The following SUMF1 variants were observed in gnomAD, a reference collection of about 807,000 sequenced individuals.
The protein encoded by SUMF1 is sulfatase modifying factor 1.
Under a neutral mutation model 47.6 loss-of-function variants are expected in SUMF1, and 48 were observed. That is an observed-to-expected ratio of 1.01 (90% CI 0.80 to 1.28). The LOEUF (loss-of-function observed/expected upper bound fraction) is 1.28. Among genes scored for constraint, SUMF1 ranks in the 50% most tolerant of loss-of-function variants. The pLI is 0.00. For synonymous variants in SUMF1, 230 were observed against 192.1 expected (o/e 1.20, Z -1.63); for missense variants, 571 against 485.4 (o/e 1.18, Z -1.66).
In SUMF1 at chr3:4,079,907, T is replaced by G. The variant is rs143398955; in HGVS notation, c.1015-11162A>C. 4.9e-3 allele frequency among the ~76,000 whole-genome samples: 736 copies of G among 151,732 alleles called. 7 individuals carry two copies. The highest frequency in any genetic ancestry group is 0.017 in the African/African-American group (699 of 41,312). On this transcript the variant is annotated intron_variant and NMD_transcript_variant, in intron 8 of 12. Transcript: ENST00000448413. Reference sequence around the variant, plus strand: ...TCACATATATTGTCTCCTTCAAAACTAAAGGCACTCAGGAAACATAATAAT... The same window carrying G: ...TCACATATATTGTCTCCTTCAAAACGAAAGGCACTCAGGAAACATAATAAT...
chr3:4,204,410 T>G (rs190614662), intron 8 of SUMF1, among the ~76,000 whole-genome samples: 11 of 152,162 alleles, frequency 7.2e-5, no homozygotes, highest in Non-Finnish European at 1.6e-4. Flanking sequence ...GGATCCATTC[T>G]TTATTCTTAA....
At chr3:4,435,944 C>A (rs905528746) in intron 3 of SUMF1, among the ~76,000 whole-genome samples, 5 of 152,124 alleles carry the variant, frequency 3.3e-5, no homozygotes, top group Admixed American at 6.5e-5. Context: ...GGAAGAGCAA[C>A]AGAAATGGTT....
chr3:4,211,418 G>A (rs964834715), intron 8 of SUMF1, among the ~76,000 whole-genome samples: 3 of 151,330 alleles, frequency 2.0e-5, no homozygotes, highest in African/African-American at 7.3e-5. Flanking sequence ...GTGAGAACAT[G>A]CAGTATTTTA....
At chr3:4,240,457 T>C (rs1696511402) in intron 8 of SUMF1, among the ~76,000 whole-genome samples, 2 of 152,110 alleles carry the variant, frequency 1.3e-5, no homozygotes, top group Non-Finnish European at 2.9e-5. Flanking sequence ...GAGCTTTTAA[T>C]TTTCATTTTG....
chr3:4,443,105 GTCTC>G (rs1308175393), intron 3 of SUMF1, among the ~76,000 whole-genome samples: 6 of 151,790 alleles, frequency 4.0e-5, no homozygotes, highest in Non-Finnish European at 8.8e-5. Flanking sequence ...ACAAAACCCT[GTCTC>G]TGTTAAAAAA....
At chr3:4,140,730 T>A (rs942722597) in intron 8 of SUMF1, among the ~76,000 whole-genome samples, 4 of 152,006 alleles carry the variant, frequency 2.6e-5, no homozygotes, top group Non-Finnish European at 5.9e-5. Context: ...TTTATTAATA[T>A]AATATTTAGT....
chr3:4,263,445 T>G (rs1306057201), intron 8 of SUMF1, among the ~76,000 whole-genome samples: 1 of 152,188 alleles, frequency 6.6e-6, no homozygotes, highest in East Asian at 1.9e-4. Context: ...TCTAGTACTA[T>G]AAAGATTCCT....
chr3:4,410,205 A>G (rs1301894918), intron 7 of SUMF1, among the ~76,000 whole-genome samples: 1 of 152,232 alleles, frequency 6.6e-6, no homozygotes, highest in East Asian at 1.9e-4. Flanking sequence ...TAGTGTCTCA[A>G]TTTGTATACA....
chr3:4,041,516 G>A (rs1202745957), intron 9 of SUMF1, among the ~76,000 whole-genome samples: 1 of 152,200 alleles, frequency 6.6e-6, no homozygotes, highest in Non-Finnish European at 1.5e-5. Flanking sequence ...TAGTGAGTAA[G>A]AAGGAAGTGC....
Position 4,352,726 on chromosome 3 carries a change from G to C in SUMF1, c.1014+23604C>G, listed in dbSNP as rs543887688. On this transcript the variant is annotated intron_variant and NMD_transcript_variant, in intron 8 of 12. Coordinates refer to the SUMF1 transcript ENST00000448413. ...CAAAGGATGTAGGTCCATTATTGCT[G>C]CGTGTAAAAAAAAAAAAAAAAAAAA... 1.9e-4 allele frequency among the ~76,000 whole-genome samples: 24 copies of C among 127,858 alleles called. No individual in the cohort carries two copies. In the East Asian group the frequency reaches 5.4e-3, roughly 29 times the overall value. The allele number at this position is 127,858 out of a possible 152,430, so 83.9% of individuals were successfully genotyped here. A position where few individuals can be genotyped will look rare whatever the true frequency, so the allele number is the denominator to read the frequency against.
At chr3:4,180,373 G>A (rs1230345449) in intron 8 of SUMF1, among the ~76,000 whole-genome samples, 1 of 152,104 alleles carries the variant, frequency 6.6e-6, no homozygotes, top group Middle Eastern at 3.2e-3. Context: ...CATAAAAAAG[G>A]ATGAGTTCAT....
chr3:4,151,554 TATACAC>T (rs1559514513), intron 8 of SUMF1, among the ~76,000 whole-genome samples: 2 of 98,256 alleles, frequency 2.0e-5, no homozygotes, highest in African/African-American at 8.7e-5. Flanking sequence ...TGTGTGTGTA[TATACAC>T]ACACACACAC....
chr3:4,449,465 A>T, intron 2 of SUMF1, 125 bp from the exon 3 acceptor site: 1 of 975,180 alleles, frequency 1.0e-6, no homozygotes, highest in Non-Finnish European at 1.6e-6. Flanking sequence ...CTTTCTTATG[A>T]CTTCCCAGAG....
At chr3:4,208,489 G>A (rs946335681) in intron 8 of SUMF1, among the ~76,000 whole-genome samples, 1 of 149,420 alleles carries the variant, frequency 6.7e-6, no homozygotes, top group Non-Finnish European at 1.5e-5. Context: ...AAAAAACTGT[G>A]AGGAGACAAA....
chr3:4,198,833 C>A (rs1042461515), intron 8 of SUMF1, among the ~76,000 whole-genome samples: 1 of 151,988 alleles, frequency 6.6e-6, no homozygotes, highest in Non-Finnish European at 1.5e-5. Context: ...GGAATAATCC[C>A]TTTCAAGAAC....
downstream of SUMF1, among the ~76,000 whole-genome samples, chr3:4,358,622 T>A (rs1699674528): frequency 1.3e-5 from 2 of 152,124 alleles, no homozygotes; most frequent in Non-Finnish European, 2.9e-5. Flanking sequence ...GAAAAAAAAA[T>A]TTAATACCAT....
intron 3 of SUMF1, among the ~76,000 whole-genome samples, chr3:4,440,302 G>A (rs1186640963): frequency 2.0e-5 from 3 of 150,588 alleles, no homozygotes; most frequent in Non-Finnish European, 4.4e-5. Flanking sequence ...TGTGTTTTGA[G>A]TTATTTTAAT....
chr3:4,339,172 C>T (rs955548608), intron 8 of SUMF1, among the ~76,000 whole-genome samples: 2 of 152,204 alleles, frequency 1.3e-5, no homozygotes, highest in African/African-American at 4.8e-5. Flanking sequence ...ATGTTTCACT[C>T]ATGCTGCTTT....
At chr3:4,460,116 T>G (rs1292971192) in intron 1 of SUMF1, among the ~76,000 whole-genome samples, 4 of 152,192 alleles carry the variant, frequency 2.6e-5, no homozygotes, top group Admixed American at 1.3e-4. Flanking sequence ...CAAAGCAAGG[T>G]GCACAAATGC....
Sources: allele counts gnomAD v4.1 joint callset (sites outside exome capture counted in the v4.1 genomes callset), GRCh38; gene constraint gnomAD v4.1.1; transcripts MANE v1.5; gene names NCBI Gene and HGNC (gene_info 2026-07-23, HGNC 2026-07-21).